Variants in ZNF114 observed in about 807,000 individuals in gnomAD.
ZNF114 encodes the protein zinc finger protein 114.
Under a neutral mutation model 6.8 loss-of-function variants are expected in ZNF114, and 8 were observed. That is an observed-to-expected ratio of 1.18 (90% CI 0.69 to 2.13). ZNF114 has a LOEUF of 2.13. ZNF114 is among the 30% of genes most tolerant of loss of function. The pLI is 0.00. For synonymous variants in ZNF114, 169 were observed against 185.5 expected (o/e 0.91, Z 0.72); for missense variants, 472 against 519.5 (o/e 0.91, Z 0.89).
rs529594143 is a variant in ZNF114, at chr19:48,279,161, T to TA, written c.-69-561dup. 4.0e-5 allele frequency among the ~76,000 whole-genome samples: 6 copies of TA among 149,438 alleles called. No individual in the cohort carries two copies. The East Asian group carries it at 6.0e-4, about 15-fold the overall frequency. On this transcript the variant is annotated intron_variant, in intron 3 of 5. Coordinates refer to ENST00000595607, the MANE Select transcript of ZNF114 (RefSeq NM_153608.4). Reference sequence around the variant, plus strand: ...CATGATATGCAAATTTCACCTCGATTAAAAAAAAATGCTGCTTGAGGCCAG... The same window carrying TA: ...CATGATATGCAAATTTCACCTCGATTAAAAAAAAAATGCTGCTTGAGGCCAG...
intron 3 of ZNF114, among the ~76,000 whole-genome samples, chr19:48,274,550 A>G (rs2147283217): frequency 6.7e-6 from 1 of 149,108 alleles, no homozygotes; most frequent in East Asian, 2.0e-4. Context: ...CTTGTTATCC[A>G]GGCTGGAGTG....
At chr19:48,274,479 CT>C (rs201945272) in intron 3 of ZNF114, among the ~76,000 whole-genome samples, 2 of 80,656 alleles carry the variant, frequency 2.5e-5, no homozygotes, top group Admixed American at 1.3e-4. Context: ...TAGAAAAAAA[CT>C]TTTATATATA....
At chr19:48,275,457 C>CACACACACACACACACACACACAA (rs1181746572) in intron 3 of ZNF114, among the ~76,000 whole-genome samples, 2 of 144,558 alleles carry the variant, frequency 1.4e-5, no homozygotes, top group African/African-American at 5.1e-5. Context: ...CACACACACA[C>CACACACACACACACACACACACAA]AAAATAGCCA....
chr19:48,277,797 GTGTGTGT>G (rs1967883162), intron 3 of ZNF114, among the ~76,000 whole-genome samples: 2 of 132,974 alleles, frequency 1.5e-5, no homozygotes, highest in Admixed American at 7.2e-5. Context: ...GGCATTGGGT[GTGTGTGT>G]GTGTGTGTGT....
chr19:48,286,618 T>C lies in ZNF114; in HGVS notation c.994T>C (p.Tyr332His), dbSNP rs866312292. 6.2e-7 allele frequency: 1 copy of C among 1,613,914 alleles called. No individual in the cohort carries two copies. The highest frequency in any genetic ancestry group is 8.5e-7 in the Non-Finnish European group (1 of 1,179,996). Residue 332 changes from tyrosine (Y) to histidine (H), a missense_variant, in exon 6 of 6, where the codon TAT becomes CAT. Coordinates refer to ENST00000595607, the MANE Select transcript of ZNF114 (RefSeq NM_153608.4). ...HMKIHTGEKP[Y>H]ECGKCGKAFR... ...GAAAATTCACACTGGAGAGAAACCG[T>C]ATGAATGTGGGAAATGTGGGAAAGC... is the stretch of plus-strand genomic sequence containing the variant.
intron 5 of ZNF114, among the ~76,000 whole-genome samples, chr19:48,285,368 C>T (rs1600846951): frequency 6.6e-6 from 1 of 152,030 alleles, no homozygotes; most frequent in Non-Finnish European, 1.5e-5. Flanking sequence ...CATGGTGGCA[C>T]GCACCTGTAA....
Position 48,287,562 on chromosome 19 carries a change from A to T in ZNF114, c.*684A>T, listed in dbSNP as rs979607559. 2 of 152,002 alleles carry T rather than the reference A, an allele frequency of 1.3e-5. No individual in the cohort carries two copies. The highest frequency in any genetic ancestry group is 2.9e-5 in the Non-Finnish European group (2 of 68,016). The allele number at this position is 152,002 out of a possible 1,614,324, so 9.4% of individuals were successfully genotyped here. On this transcript the variant is annotated 3_prime_UTR_variant, in exon 6 of 6. Transcript: ENST00000595607. ...CCACTCATGTTGCATGTGAATCCAC[A>T]TCCTGAAGGGAGGCTACAACTGGAA...
rs1292252462 is a variant in ZNF114 at position 48,287,471 on chromosome 19, T to C, written c.*593T>C. ...GAGATGGAGCCACTGCACTCCAGCC[T>C]GGGGGAAAGAGCGAGACTCCGTCTC... On this transcript the variant is annotated 3_prime_UTR_variant, in exon 6 of 6. Transcript: ENST00000595607. The C allele has an allele frequency of 2.7e-5, 4 of 148,950 alleles. No homozygotes were observed. The highest frequency in any genetic ancestry group is 1.0e-4 in the African/African-American group (4 of 40,090). 9.2% of individuals were successfully genotyped at this position (148,950 alleles called of 1,614,324 possible). A position where few individuals can be genotyped will look rare whatever the true frequency, so the allele number is the denominator to read the frequency against.
chr19:48,275,471 G>A (rs960360980), intron 3 of ZNF114, among the ~76,000 whole-genome samples: 1 of 119,392 alleles, frequency 8.4e-6, no homozygotes, highest in East Asian at 2.2e-4. Context: ...ATAGCCAGGC[G>A]TGGTGGTGGT....
At chr19:48,282,279 A>C in intron 4 of ZNF114, 92 bp from the exon 5 acceptor site, 1 of 1,545,620 alleles carries the variant, frequency 6.5e-7, no homozygotes, top group Non-Finnish European at 8.8e-7. Flanking sequence ...AAGGGTTAAG[A>C]CCTCAACCTA....
chr19:48,279,320 C>T (rs1224888634), intron 3 of ZNF114, among the ~76,000 whole-genome samples: 1 of 149,618 alleles, frequency 6.7e-6, no homozygotes, highest in East Asian at 2.0e-4. Flanking sequence ...ATCACTTGAG[C>T]CCAGAAGTTT....
chr19:48,279,882 G>A (rs1967946837), intron 4 of ZNF114, 74 bp downstream of exon 4: 1 of 1,610,020 alleles, frequency 6.2e-7, no homozygotes, highest in Non-Finnish European at 8.5e-7. Context: ...GCCTGTGGCT[G>A]GGAGTCAGGT....
intron 4 of ZNF114, among the ~76,000 whole-genome samples, chr19:48,281,216 T>G (rs1017714425): frequency 1.3e-5 from 2 of 152,204 alleles, no homozygotes; most frequent in Admixed American, 1.3e-4. Context: ...CCTGTTGCAT[T>G]AGGCTGTTCA....
chr19:48,270,785 A>G (rs1234747136), intron 1 of ZNF114, among the ~76,000 whole-genome samples: 1 of 151,250 alleles, frequency 6.6e-6, no homozygotes, highest in Non-Finnish European at 1.5e-5. Context: ...GAAAGAAAGA[A>G]AAGAAAAGAA....
At chr19:48,280,094 T>C (rs1967951348) in intron 4 of ZNF114, among the ~76,000 whole-genome samples, 2 of 152,116 alleles carry the variant, frequency 1.3e-5, no homozygotes, top group South Asian at 4.1e-4. Flanking sequence ...GAGCTGAAAG[T>C]GTCTTTGGTG....
At chr19:48,271,478 T>C (rs1161632546) in intron 2 of ZNF114, 29 bp downstream of exon 2, 1 of 115,486 alleles carries the variant, frequency 8.7e-6, no homozygotes, top group African/African-American at 3.3e-5. Context: ...GTCAATCTAC[T>C]GGTCGTGGGG....
chr19:48,286,437 C>T lies in ZNF114; in HGVS notation c.813C>T (p.Thr271=), dbSNP rs546806157. ...ACGCCATGCAGATGCAGTTGTATACCGCAGAGACAAACAAGAAGGATTGTC... is the reference window on the plus strand; with the variant it reads ...ACGCCATGCAGATGCAGTTGTATACTGCAGAGACAAACAAGAAGGATTGTC... ...SIHAMQMQLY[T]AETNKKDCQT... Residue 271 remains threonine, a synonymous_variant, in exon 6 of 6, where the codon ACC becomes ACT. Transcript: ENST00000595607. 6.8e-6 allele frequency: 11 copies of T among 1,614,136 alleles called. No individual in the cohort carries two copies. The highest frequency in any genetic ancestry group is 5.5e-5 in the South Asian group (5 of 91,068).
intron 5 of ZNF114, among the ~76,000 whole-genome samples, chr19:48,282,760 T>C (rs1053733071): frequency 3.9e-5 from 6 of 152,162 alleles, no homozygotes; most frequent in Non-Finnish European, 5.9e-5. Flanking sequence ...TCTCCCAGGC[T>C]GGAGTGCAGC....
At chr19:48,278,713 G>A (rs149511709) in intron 3 of ZNF114, among the ~76,000 whole-genome samples, 2,074 of 152,234 alleles carry the variant, frequency 0.014, 24 homozygotes, top group Non-Finnish European at 0.018. Flanking sequence ...AGGGCGAGGC[G>A]GGCGGATCAC....
Sources: allele counts gnomAD v4.1 joint callset (sites outside exome capture counted in the v4.1 genomes callset), GRCh38; gene constraint gnomAD v4.1.1; transcripts MANE v1.5; gene names NCBI Gene and HGNC (gene_info 2026-07-23, HGNC 2026-07-21).